Variants in MYCBP2 observed in about 807,000 individuals in gnomAD.
MYCBP2 encodes MYC binding protein 2.
Under a neutral mutation model 525.3 loss-of-function variants are expected in MYCBP2, and 120 were observed. That is an observed-to-expected ratio of 0.23 (90% CI 0.20 to 0.27). The LOEUF is 0.27. Among genes scored for constraint, MYCBP2 ranks in the 10% least tolerant of loss-of-function variants. MYCBP2 has a pLI of 1.00. For missense variants in MYCBP2, 4,149 were observed against 5,657.1 expected (o/e 0.73, Z 8.55); for synonymous variants, 1,894 against 1,955.8 (o/e 0.97, Z 0.83).
At chr13:77,296,284 G>A (rs1402604896) in intron 2 of MYCBP2, among the ~76,000 whole-genome samples, 2 of 152,044 alleles carry the variant, frequency 1.3e-5, no homozygotes, top group Non-Finnish European at 2.9e-5. Context: ...GCTGGTTGTG[G>A]TGGCATTTAC....
intron 79 of MYCBP2, among the ~76,000 whole-genome samples, chr13:77,056,158 G>T (rs1257622699): frequency 1.5e-5 from 2 of 135,748 alleles, no homozygotes; most frequent in African/African-American, 2.8e-5. Flanking sequence ...GTGTGTGTGT[G>T]TTTTGCTTCC....
At chr13:77,259,006 G>A (rs1042063650) in intron 13 of MYCBP2, among the ~76,000 whole-genome samples, 2 of 152,186 alleles carry the variant, frequency 1.3e-5, no homozygotes, top group African/African-American at 4.8e-5. Flanking sequence ...TGTATTCCCA[G>A]CACTTGAGGA....
At chr13:77,102,453 T>A (rs1463047955) in intron 55 of MYCBP2, among the ~76,000 whole-genome samples, 1 of 151,618 alleles carries the variant, frequency 6.6e-6, no homozygotes, top group Non-Finnish European at 1.5e-5. Flanking sequence ...TTCTTTTTGA[T>A]AAAATTTTAT....
chr13:77,246,096 T>A (rs1228681980), intron 15 of MYCBP2, among the ~76,000 whole-genome samples: 2 of 152,126 alleles, frequency 1.3e-5, no homozygotes, highest in Non-Finnish European at 2.9e-5. Flanking sequence ...GTAGAAGGTA[T>A]AGCTTTAATG....
chr13:77,172,070 T>C (rs2059197191), intron 37 of MYCBP2, among the ~76,000 whole-genome samples: 1 of 152,106 alleles, frequency 6.6e-6, no homozygotes, highest in Admixed American at 6.5e-5. Flanking sequence ...CCAGCTAATT[T>C]TTCTGTTTTT....
At chr13:77,164,716 G>GT (rs2058337032) in intron 42 of MYCBP2, among the ~76,000 whole-genome samples, 175 bp from the exon 43 acceptor site, 1 of 152,204 alleles carries the variant, frequency 6.6e-6, no homozygotes, top group African/African-American at 2.4e-5. Context: ...GCTCAGGCTG[G>GT]TTATAAGGTT....
intron 44 of MYCBP2, 37 bp downstream of exon 44, chr13:77,161,869 T>C: frequency 1.3e-6 from 2 of 1,516,216 alleles, no homozygotes; most frequent in Middle Eastern, 1.7e-4. Context: ...TTTAAATTAA[T>C]GTACAAAGTT....
Position 77,326,174 on chromosome 13 carries a change from C to T in MYCBP2, c.302+300G>A, listed in dbSNP as rs2082268437. 6.6e-6 allele frequency among the ~76,000 whole-genome samples: 1 copy of T among 151,876 alleles called. No individual in the cohort carries two copies. The highest frequency in any genetic ancestry group is 2.4e-5 in the African/African-American group (1 of 41,380). On this transcript the variant is annotated intron_variant, in intron 1 of 82. Coordinates refer to ENST00000544440, the MANE Select transcript of MYCBP2 (RefSeq NM_015057.5). The surrounding 1 kb of genome is among the most constrained non-coding windows in gnomAD (Gnocchi z 4.2). ...ACACACGTGTCACAGCCGACCAGCA[C>T]CATCGCCTTTTCCAGCATCACAGGT... is the stretch of plus-strand genomic sequence containing the variant.
intron 68 of MYCBP2, among the ~76,000 whole-genome samples, chr13:77,074,004 C>CG (rs1332559620): frequency 1.4e-4 from 5 of 36,546 alleles, no homozygotes; most frequent in South Asian, 7.3e-4. Context: ...TCCCCACCGC[C>CG]CCCCCCCCTT....
In MYCBP2 at chr13:77,062,669, A is replaced by G; in HGVS notation, c.12701T>C (p.Val4234Ala). 4 of 1,614,202 alleles carry G rather than the reference A, an allele frequency of 2.5e-6. No homozygotes were observed. The highest frequency in any genetic ancestry group is 3.4e-6 in the Non-Finnish European group (4 of 1,180,020). ...RLWLALASLCVLDQDHVDRLS... is the reference protein window; with the variant it reads ...RLWLALASLCALDQDHVDRLS... ...ACGATCTACGTGGTCCTGATCAAGA[A>G]CACATAGGGATGCGAGAGCAAGCCA... Residue 4234 changes from valine (V) to alanine (A), a missense_variant, in exon 74 of 83, where the codon GTT becomes GCT. This residue lies in a region of MYCBP2 where 220 missense variants were observed against 396.0 expected (regional missense o/e 0.56). Coordinates refer to ENST00000544440, the MANE Select transcript of MYCBP2 (RefSeq NM_015057.5).
At chr13:77,133,333 T>C (rs998457457) in intron 52 of MYCBP2, among the ~76,000 whole-genome samples, 2 of 152,124 alleles carry the variant, frequency 1.3e-5, no homozygotes, top group African/African-American at 4.8e-5. Flanking sequence ...ATATATATGT[T>C]AGAAATTATT....
chr13:77,204,592 T>G (rs1182131384), intron 26 of MYCBP2, among the ~76,000 whole-genome samples: 11 of 121,648 alleles, frequency 9.0e-5, no homozygotes, highest in African/African-American at 3.2e-4. Context: ...TAAAGACACA[T>G]GCACACGTAT....
rs544824770 is a variant in MYCBP2, at chr13:77,051,296, A to C, written c.13756-134T>G. 6.0e-4 allele frequency: 424 copies of C among 711,810 alleles called. 6 individuals are homozygous for C. In the South Asian group the frequency reaches 9.6e-3, roughly 16 times the overall value. 44.1% of individuals were successfully genotyped at this position (711,810 alleles called of 1,614,324 possible). A position where few individuals can be genotyped will look rare whatever the true frequency, so the allele number is the denominator to read the frequency against. On this transcript the variant is annotated intron_variant, in intron 81 of 82. Coordinates refer to ENST00000544440, the MANE Select transcript of MYCBP2 (RefSeq NM_015057.5). ...ACATAACTCTAAAAATTGATTGAAA[A>C]ACTGATGATACACATGTTTGAAAAC...
chr13:77,313,962 C>T (rs574303984), intron 1 of MYCBP2, among the ~76,000 whole-genome samples: 2 of 151,742 alleles, frequency 1.3e-5, no homozygotes, highest in Non-Finnish European at 2.9e-5. Flanking sequence ...GATTCTACTA[C>T]ACACCTATCA....
In MYCBP2 at chr13:77,105,742, T is replaced by A. The variant is rs530413500; in HGVS notation, c.8141-6729A>T. On this transcript the variant is annotated intron_variant, in intron 55 of 82. Transcript: ENST00000544440. ...CTCTCCACAAAATTTTGATTCTTTTTTGGGTATCACTAAGTTTAAGAGAAT... is the reference window on the plus strand; with the variant it reads ...CTCTCCACAAAATTTTGATTCTTTTATGGGTATCACTAAGTTTAAGAGAAT... Among the ~76,000 whole-genome samples the A allele has an allele frequency of 2.6e-4, 39 of 152,238 alleles. No individual in the cohort carries two copies. The South Asian group carries it at 7.5e-3, about 29-fold the overall frequency.
At chr13:77,078,729 T>C in intron 66 of MYCBP2, 95 bp downstream of exon 66, 2 of 937,362 alleles carry the variant, frequency 2.1e-6, no homozygotes, top group Non-Finnish European at 3.5e-6. Flanking sequence ...TATAATACTT[T>C]GGTTGTGTGC....
chr13:77,295,898 G>A (rs2078138330), intron 2 of MYCBP2, among the ~76,000 whole-genome samples: 1 of 152,204 alleles, frequency 6.6e-6, no homozygotes, highest in South Asian at 2.1e-4. Flanking sequence ...AGAACAATAT[G>A]GACACACCAA....
intron 41 of MYCBP2, among the ~76,000 whole-genome samples, chr13:77,166,084 C>T (rs1484683991): frequency 6.6e-6 from 1 of 152,192 alleles, no homozygotes; most frequent in African/African-American, 2.4e-5. Context: ...CGTTAACACT[C>T]TGCTTTGCTC....
chr13:77,045,882 A>C (rs1426534081), intron 82 of MYCBP2, among the ~76,000 whole-genome samples: 2 of 152,200 alleles, frequency 1.3e-5, no homozygotes, highest in East Asian at 3.8e-4. Context: ...GAAAACAGGG[A>C]GATTTTTGTG....
Sources: allele counts gnomAD v4.1 joint callset (sites outside exome capture counted in the v4.1 genomes callset), GRCh38; gene constraint gnomAD v4.1.1; regional missense constraint gnomAD v4.1.1; non-coding constraint Gnocchi (gnomAD v3.1); transcripts MANE v1.5; gene names NCBI Gene and HGNC (gene_info 2026-07-23, HGNC 2026-07-21).